The following PDE1C variants were observed in gnomAD, a reference collection of about 807,000 sequenced individuals.
PDE1C encodes the protein dual specificity calcium/calmodulin-dependent 3',5'-cyclic nucleotide phosphodiesterase 1C.
A neutral mutation model predicts 93.1 loss-of-function variants in PDE1C; 62 were observed. The ratio of observed to expected loss-of-function variants is 0.67; its 90% CI spans 0.54 to 0.82. PDE1C has a LOEUF of 0.82. PDE1C is among the 40% of genes least tolerant of loss of function. The pLI is 0.00. For synonymous variants in PDE1C, 325 were observed against 310.1 expected, an observed-to-expected ratio of 1.05 and a Z score of -0.50; for missense variants, 742 against 884.6, an observed-to-expected ratio of 0.84 and a Z score of 2.04.
the PDE1C span, among the ~76,000 whole-genome samples, chr7:31,620,294 C>G: frequency 1.3e-5 from 2 of 152,202 alleles, no homozygotes; most frequent in Middle Eastern, 6.8e-3. Flanking sequence ...TGAGAACGGG[C>G]AGACTGCCTC....
At chr7:31,697,050 T>C in the PDE1C span, 1 of 1,614,050 alleles carries the variant, frequency 6.2e-7, no homozygotes. Flanking sequence ...TTCATAACAC[T>C]GACCTGGAAC....
intron 2 of PDE1C, among the ~76,000 whole-genome samples, chr7:31,946,281 C>T (rs574562402): frequency 5.9e-5 from 9 of 152,174 alleles, no homozygotes; most frequent in Non-Finnish European, 1.0e-4. Context: ...TGGAACATGT[C>T]GGGGGTCCAG....
chr7:31,936,829 G>A (rs1411909630), intron 2 of PDE1C, among the ~76,000 whole-genome samples: 2 of 152,104 alleles, frequency 1.3e-5, no homozygotes, highest in Non-Finnish European at 2.9e-5. Context: ...TTTTGCCAAG[G>A]TTAAGAGCCA....
At chr7:32,401,372 A>G (rs1026020675) in intron 1 of PDE1C, among the ~76,000 whole-genome samples, 1 of 152,094 alleles carries the variant, frequency 6.6e-6, no homozygotes, top group Non-Finnish European at 1.5e-5. Flanking sequence ...CCCCGTCTCT[A>G]CTAATAATAC....
the PDE1C span, among the ~76,000 whole-genome samples, chr7:31,725,076 C>T: frequency 2.0e-5 from 3 of 152,130 alleles, no homozygotes; most frequent in African/African-American, 7.2e-5. Context: ...ACAGACTTGT[C>T]TGGGAAAAGT....
chr7:32,427,910 C>G (rs1448067956), exon 1 of PDE1C: 1 of 152,362 alleles, frequency 6.6e-6, no homozygotes, highest in Non-Finnish European at 1.5e-5. Flanking sequence ...TCGCCAACTT[C>G]GGCAGCTCTT....
chr7:31,623,520 T>C, the PDE1C span, among the ~76,000 whole-genome samples: 1 of 151,688 alleles, frequency 6.6e-6, no homozygotes, highest in Admixed American at 6.6e-5. Flanking sequence ...ATTATCTCAA[T>C]AGATGCAGAA....
At chr7:32,053,108 C>G (rs1215942289) in intron 1 of PDE1C, among the ~76,000 whole-genome samples, 1 of 152,124 alleles carries the variant, frequency 6.6e-6, no homozygotes, top group Non-Finnish European at 1.5e-5. Context: ...TATCTATGTT[C>G]CAGTCTTGGC....
chr7:31,754,090 C>T (rs4723099), intron 17 of PDE1C, among the ~76,000 whole-genome samples: 137,363 of 152,244 alleles, frequency 0.9, 62,943 homozygotes, highest in East Asian at 1. Context: ...ATGGGCAAAA[C>T]ATCTGAACAG....
At chr7:32,004,254 G>GAA (rs34894441) in intron 2 of PDE1C, among the ~76,000 whole-genome samples, 12 of 150,428 alleles carry the variant, frequency 8.0e-5, no homozygotes, top group East Asian at 5.9e-4. Context: ...CAAAAAACCT[G>GAA]AAAAAAAAAC....
At chr7:31,645,623 C>T in the PDE1C span, among the ~76,000 whole-genome samples, 1 of 152,116 alleles carries the variant, frequency 6.6e-6, no homozygotes, top group Non-Finnish European at 1.5e-5. Flanking sequence ...CCACCATCAT[C>T]ATTATTTACA....
intron 1 of PDE1C, among the ~76,000 whole-genome samples, chr7:32,253,659 T>C (rs768113711): frequency 6.6e-6 from 1 of 152,218 alleles, no homozygotes; most frequent in Non-Finnish European, 1.5e-5. Context: ...TTCAAATGAA[T>C]ATTTCTGTGG....
intron 2 of PDE1C, among the ~76,000 whole-genome samples, chr7:31,936,251 G>T (rs972800007): frequency 1.3e-5 from 2 of 152,080 alleles, no homozygotes; most frequent in Non-Finnish European, 2.9e-5. Flanking sequence ...CATGTGGGTT[G>T]GGATAGACAG....
intron 2 of PDE1C, among the ~76,000 whole-genome samples, chr7:31,932,050 T>G (rs1188953643): frequency 1.3e-5 from 2 of 152,158 alleles, no homozygotes; most frequent in South Asian, 4.1e-4. Flanking sequence ...TCATTACACC[T>G]TATACAAAAA....
the PDE1C span, among the ~76,000 whole-genome samples, chr7:31,711,018 G>T: frequency 5.3e-5 from 8 of 152,306 alleles, no homozygotes. Flanking sequence ...AAGGATAGGT[G>T]TATCCTCACC....
At chr7:32,263,440 T>C (rs62457469) in intron 1 of PDE1C, among the ~76,000 whole-genome samples, 17,813 of 152,152 alleles carry the variant, frequency 0.12, 1,196 homozygotes, top group African/African-American at 0.16. Context: ...CATGTTAAGA[T>C]AAGTTACATA....
At chr7:32,265,313 T>C (rs1250087559) in intron 1 of PDE1C, among the ~76,000 whole-genome samples, 2 of 152,204 alleles carry the variant, frequency 1.3e-5, no homozygotes, top group Non-Finnish European at 2.9e-5. Flanking sequence ...CCACCTGATT[T>C]AAACCTGGCC....
chr7:31,971,603 C>T (rs1810969720), intron 2 of PDE1C, among the ~76,000 whole-genome samples: 1 of 152,194 alleles, frequency 6.6e-6, no homozygotes, highest in Admixed American at 6.5e-5. Context: ...GTCATCCTGC[C>T]ACCTGCCCTG....
At chr7:31,999,519 A>T (rs1785180961) in intron 2 of PDE1C, among the ~76,000 whole-genome samples, 1 of 152,202 alleles carries the variant, frequency 6.6e-6, no homozygotes, top group Admixed American at 6.5e-5. Flanking sequence ...TGCAAGACCC[A>T]GCTCTCTGAC....
Sources: allele counts gnomAD v4.1 joint callset (sites outside exome capture counted in the v4.1 genomes callset), GRCh38; gene constraint gnomAD v4.1.1; transcripts MANE v1.5; gene names NCBI Gene and HGNC (gene_info 2026-07-23, HGNC 2026-07-21).